Variants in HOXC6 observed in about 807,000 individuals in gnomAD.
HOXC6 encodes homeobox C6, also known as homeobox protein Hox-C6.
Under a neutral mutation model 24.0 loss-of-function variants are expected in HOXC6, and 10 were observed. That is an observed-to-expected ratio of 0.42 (90% CI 0.26 to 0.71). The LOEUF is 0.71. HOXC6 is among the 30% of genes least tolerant of loss of function. HOXC6 has a pLI of 0.28. For synonymous variants in HOXC6, 123 were observed against 128.1 expected, an observed-to-expected ratio of 0.96 and a Z score of 0.27; for missense variants, 258 against 303.4, an observed-to-expected ratio of 0.85 and a Z score of 1.11.
intron 1 of HOXC6, among the ~76,000 whole-genome samples, chr12:54,029,179 G>C (rs1040935142): frequency 1.1e-4 from 17 of 152,210 alleles, no homozygotes; most frequent in African/African-American, 4.1e-4. Flanking sequence ...CAGGGGATGA[G>C]GGGAGGGAGC....
At chr12:54,017,907 C>T (rs1940229364) in intron 1 of HOXC6, among the ~76,000 whole-genome samples, 1 of 152,164 alleles carries the variant, frequency 6.6e-6, no homozygotes, top group African/African-American at 2.4e-5. Flanking sequence ...TGTCTGGCAG[C>T]CCCCTCCCTC....
rs772493927 is a variant in HOXC6 at position 54,028,600 on chromosome 12, A to C, written c.79A>C (p.Asn27His). 9.3e-6 allele frequency: 15 copies of C among 1,614,016 alleles called. No homozygotes were observed. Among genetic ancestry groups the C allele is most frequent in the Non-Finnish European group, 1.3e-5 (15 of 1,180,020 alleles). Residue 27 changes from asparagine to histidine, a missense_variant, in exon 1 of 2, where the codon AAT becomes CAT. Transcript: ENST00000243108. Reference sequence around the variant, plus strand: ...GGACGTCCTCCCCAACGTCGCCCTCAATTCCACCGCCTATGATCCAGTGAG... The same window carrying C: ...GGACGTCCTCCCCAACGTCGCCCTCCATTCCACCGCCTATGATCCAGTGAG... Reference protein sequence around the residue: ...GQDVLPNVALNSTAYDPVRHF... With the variant: ...GQDVLPNVALHSTAYDPVRHF...
upstream of HOXC6, among the ~76,000 whole-genome samples, chr12:54,026,454 TC>T (rs1940701351): frequency 1.3e-5 from 2 of 152,340 alleles, no homozygotes; most frequent in East Asian, 3.9e-4. Flanking sequence ...ATGAGATAAC[TC>T]ATCTAAAATT....
At chr12:54,024,968 C>T (rs79516155), upstream of HOXC6, among the ~76,000 whole-genome samples, 1,223 of 152,248 alleles carry the variant, frequency 8.0e-3, 14 homozygotes, top group African/African-American at 0.027. Flanking sequence ...TTTTTGAATT[C>T]TGTTTTTGAA....
At chr12:54,019,738 AGT>A (rs1437487049) in intron 1 of HOXC6, among the ~76,000 whole-genome samples, 1 of 152,078 alleles carries the variant, frequency 6.6e-6, no homozygotes. Flanking sequence ...GACCTCACTG[AGT>A]GTACCCACAG....
Position 54,028,720 on chromosome 12 carries a change from C to T in HOXC6, c.199C>T (p.Arg67Trp), listed in dbSNP as rs144307645. Residue 67 changes from arginine (R) to tryptophan (W), a missense_variant, in exon 1 of 2, where the codon CGG becomes TGG. By Grantham distance (101) the Arg-to-Trp change is moderately radical. Transcript: ENST00000243108. The stretch of plus-strand genomic sequence containing the variant: ...GGAGAATGTCGTGTTCAGTTCCAGC[C>T]GGGGGCCGTATGACTATGGATCTAA... ...PQENVVFSSS[R>W]GPYDYGSNSF... 23,552 of 1,614,126 alleles carry T rather than the reference C, an allele frequency of 0.015. 210 individuals are homozygous for T. Among genetic ancestry groups the T allele is most frequent in the Non-Finnish European group, 0.017 (20,037 of 1,180,022 alleles).
chr12:54,028,616 A>G lies in HOXC6; in HGVS notation c.95A>G (p.Asp32Gly), dbSNP rs200758418. The G allele has an allele frequency of 6.7e-5, 108 of 1,614,008 alleles. 2 individuals are homozygous for G. The South Asian group carries it at 8.6e-4, about 13-fold the overall frequency. The change falls in exon 1 of 2, where the codon GAT becomes GGT. Residue 32 changes from aspartate (D) to glycine (G), a missense_variant. Coordinates refer to ENST00000243108, the MANE Select transcript of HOXC6 (RefSeq NM_004503.4). ...GTCGCCCTCAATTCCACCGCCTATG[A>G]TCCAGTGAGGCATTTCTCGACCTAT... ...PNVALNSTAY[D>G]PVRHFSTYGA...
At chr12:54,023,283 C>T (rs903273228) in intron 1 of HOXC6, among the ~76,000 whole-genome samples, 11 of 152,152 alleles carry the variant, frequency 7.2e-5, no homozygotes, top group African/African-American at 2.2e-4. Context: ...ACCTATTTTA[C>T]GTTTTAACCT....
Position 54,028,780 on chromosome 12 carries a change from T to G in HOXC6, c.259T>G (p.Cys87Gly). 3 of 1,614,168 alleles carry G rather than the reference T, an allele frequency of 1.9e-6. No individual in the cohort carries two copies. The highest frequency in any genetic ancestry group is 2.5e-6 in the Non-Finnish European group (3 of 1,180,028). The change falls in exon 1 of 2, where the codon TGC (cysteine) becomes GGC (glycine). Residue 87 changes from cysteine (C) to glycine (G), a missense_variant. Coordinates refer to ENST00000243108, the MANE Select transcript of HOXC6 (RefSeq NM_004503.4). ...FYQEKDMLSNCRQNTLGHNTQ... is the reference protein window; with the variant it reads ...FYQEKDMLSNGRQNTLGHNTQ... The stretch of plus-strand genomic sequence containing the variant: ...CCAGGAGAAAGACATGCTCTCAAAC[T>G]GCAGACAAAACACCTTAGGACATAA...
Position 54,028,448 on chromosome 12 carries a change from C to A in HOXC6, c.-74C>A, listed in dbSNP as rs1592231289. The A allele has an allele frequency of 2.1e-5, 32 of 1,499,226 alleles. No homozygotes were observed. In the East Asian group the frequency reaches 7.0e-4, roughly 33 times the overall value. 92.9% of individuals were successfully genotyped at this position (1,499,226 alleles called of 1,614,324 possible). A position where few individuals can be genotyped will look rare whatever the true frequency, so the allele number is the denominator to read the frequency against. On this transcript the variant is annotated 5_prime_UTR_variant, in exon 1 of 2. Coordinates refer to ENST00000243108, the MANE Select transcript of HOXC6 (RefSeq NM_004503.4). ...GGATTGGAGCCGTCCCTATAACCAT[C>A]TAGTTCCGAGTACAAACTGGAGACA...
intron 1 of HOXC6, 48 bp downstream of exon 1, chr12:54,028,969 T>A: frequency 6.5e-7 from 1 of 1,529,918 alleles, no homozygotes; most frequent in South Asian, 1.2e-5. Flanking sequence ...TGAACTGGCT[T>A]TATGACCGGC....
intron 1 of HOXC6, 172 bp from the exon 2 acceptor site, chr12:54,029,483 C>A: frequency 6.5e-6 from 2 of 308,820 alleles, no homozygotes; most frequent in Non-Finnish European, 5.5e-6. Flanking sequence ...AAGTTGGGGT[C>A]CTCGCTGTAC....
rs565787762 is a variant in HOXC6, at chr12:54,023,386, G to A, written c.-192-5190G>A. Among the ~76,000 whole-genome samples, 3 of 152,340 alleles carry A rather than the reference G, an allele frequency of 2.0e-5. No individual in the cohort carries two copies. In the South Asian group the frequency reaches 6.2e-4, roughly 32 times the overall value. On this transcript the variant is annotated intron_variant, in intron 1 of 2. Transcript: ENST00000394331. ...GCAGCAATAAGTGAAGTGCTGGTAA[G>A]GAAAGGTCAGGCAGAAATCTGGAAA...
chr12:54,027,940 A>G (rs1332741222), upstream of HOXC6, among the ~76,000 whole-genome samples: 1 of 152,114 alleles, frequency 6.6e-6, no homozygotes, highest in Non-Finnish European at 1.5e-5. Flanking sequence ...ATACTAGTTT[A>G]GTGATGGGAC....
chr12:54,026,962 G>GGT (rs745411891), upstream of HOXC6, among the ~76,000 whole-genome samples: 4 of 83,280 alleles, frequency 4.8e-5, no homozygotes, highest in East Asian at 4.8e-4. Context: ...ACCCAAAAAT[G>GGT]GTGGGGGGGG....
In HOXC6 at chr12:54,030,265, T is replaced by A. The variant is rs1216318957; in HGVS notation, c.*303T>A. The A allele has an allele frequency of 4.5e-6, 1 of 220,442 alleles. No individual in the cohort carries two copies. The highest frequency in any genetic ancestry group is 8.9e-5 in the East Asian group (1 of 11,228). 13.7% of individuals were successfully genotyped at this position (220,442 alleles called of 1,614,324 possible). On this transcript the variant is annotated 3_prime_UTR_variant, in exon 2 of 2. Coordinates refer to ENST00000243108, the MANE Select transcript of HOXC6 (RefSeq NM_004503.4). ...GACCCTGAACTCAGACTCTACAGAT[T>A]GCCCTCCAAGTGAGGACTTGGCTCC...
At chr12:54,018,782 G>A (rs1010772132) in intron 1 of HOXC6, among the ~76,000 whole-genome samples, 2 of 152,108 alleles carry the variant, frequency 1.3e-5, no homozygotes, top group African/African-American at 4.8e-5. Context: ...TATTCCAGAC[G>A]AGGTCCGAGA....
rs779937440 is a variant in HOXC6 at position 54,029,983 on chromosome 12, C to G, written c.*21C>G. The G allele has an allele frequency of 6.6e-7, 1 of 1,505,288 alleles. No homozygotes were observed. Among genetic ancestry groups the G allele is most frequent in the East Asian group, 2.3e-5 (1 of 42,894 alleles). 93.2% of individuals were successfully genotyped at this position (1,505,288 alleles called of 1,614,324 possible). On this transcript the variant is annotated 3_prime_UTR_variant, in exon 2 of 2. Transcript: ENST00000243108. ...AGTGACCAGGACTGTCCCTGCCACCCCTCTCTCCCTTTCTCCCTCGCTCCC... is the reference window on the plus strand; with the variant it reads ...AGTGACCAGGACTGTCCCTGCCACCGCTCTCTCCCTTTCTCCCTCGCTCCC...
Position 54,030,006 on chromosome 12 carries a change from C to A in HOXC6, c.*44C>A. 1 of 1,443,892 alleles carries A rather than the reference C, an allele frequency of 6.9e-7. No individual in the cohort carries two copies. The allele number at this position is 1,443,892 out of a possible 1,614,324, so 89.4% of individuals were successfully genotyped here. A position where few individuals can be genotyped will look rare whatever the true frequency, so the allele number is the denominator to read the frequency against. On this transcript the variant is annotated 3_prime_UTR_variant, in exon 2 of 2. Coordinates refer to ENST00000243108, the MANE Select transcript of HOXC6 (RefSeq NM_004503.4). ...CCCCTCTCTCCCTTTCTCCCTCGCTCCCCACCAACTCTCCCCTAATCACAC... is the reference window on the plus strand; with the variant it reads ...CCCCTCTCTCCCTTTCTCCCTCGCTACCCACCAACTCTCCCCTAATCACAC...
Sources: allele counts gnomAD v4.1 joint callset (sites outside exome capture counted in the v4.1 genomes callset), GRCh38; gene constraint gnomAD v4.1.1; transcripts MANE v1.5; gene names NCBI Gene and HGNC (gene_info 2026-07-23, HGNC 2026-07-21).